THSD7B: variants seen among roughly 807,000 people sequenced by gnomAD.
The protein encoded by THSD7B is thrombospondin type-1 domain-containing protein 7B.
THSD7B carries 138 observed loss-of-function variants against 213.6 expected under a neutral mutation model. That is an observed-to-expected ratio of 0.65 (90% CI 0.56 to 0.74). The LOEUF is 0.74. Among genes scored for constraint, THSD7B ranks in the 30% least tolerant of loss-of-function variants. THSD7B has a pLI of 0.00. For synonymous variants in THSD7B, 742 were observed against 687.0 expected (o/e 1.08, Z -1.25); for missense variants, 1,931 against 1,991.5 (o/e 0.97, Z 0.58).
rs1438989973 is a variant in THSD7B, at chr2:137,231,030, C to T, written c.1724-14C>T. ...TGCATTAATCACCAACTGTCTTGATCTTGTTGATTGTAGGAGAAGATGTAT... is the reference window on the plus strand; with the variant it reads ...TGCATTAATCACCAACTGTCTTGATTTTGTTGATTGTAGGAGAAGATGTAT... On this transcript the variant is annotated splice_polypyrimidine_tract_variant and intron_variant, in intron 7 of 27. Coordinates refer to ENST00000409968, the MANE Select transcript of THSD7B (RefSeq NM_001316349.2). 6.2e-7 allele frequency: 1 copy of T among 1,610,934 alleles called. No homozygotes were observed. Among genetic ancestry groups the T allele is most frequent in the Non-Finnish European group, 8.5e-7 (1 of 1,178,520 alleles).
intron 3 of THSD7B, among the ~76,000 whole-genome samples, chr2:137,059,800 A>G (rs1377610596): frequency 1.3e-5 from 2 of 152,158 alleles, no homozygotes; most frequent in African/African-American, 2.4e-5. Flanking sequence ...GTTGCTATCA[A>G]GTTTTGGCAA....
chr2:136,816,112 TGA>T (rs1336879499), intron 1 of THSD7B, among the ~76,000 whole-genome samples: 1 of 152,202 alleles, frequency 6.6e-6, no homozygotes. Context: ...CTCAAACTCC[TGA>T]GCTCAGACAA....
At chr2:136,853,558 G>T (rs957345939) in intron 1 of THSD7B, among the ~76,000 whole-genome samples, 2 of 152,102 alleles carry the variant, frequency 1.3e-5, no homozygotes. Flanking sequence ...TGATAACCTG[G>T]TCAAGATGGT....
chr2:136,880,550 A>C (rs1243200277), intron 1 of THSD7B, among the ~76,000 whole-genome samples: 2 of 152,180 alleles, frequency 1.3e-5, no homozygotes, highest in Non-Finnish European at 2.9e-5. Flanking sequence ...TCTATTCTAA[A>C]GTAAAGCATG....
chr2:136,782,982 A>G (rs148561818), intron 1 of THSD7B, among the ~76,000 whole-genome samples: 192 of 152,364 alleles, frequency 1.3e-3, no homozygotes, highest in African/African-American at 3.7e-3. Flanking sequence ...TCCCTAATAT[A>G]TGAATTTCAC....
At chr2:137,143,007 T>TA (rs1174922252) in intron 5 of THSD7B, among the ~76,000 whole-genome samples, 2 of 152,054 alleles carry the variant, frequency 1.3e-5, no homozygotes, top group Non-Finnish European at 2.9e-5. Flanking sequence ...TTTGGGAAGA[T>TA]AAAAAGTCTA....
In THSD7B at chr2:137,252,034, G is replaced by A. The variant is rs186428017; in HGVS notation, c.2266+9462G>A. Among the ~76,000 whole-genome samples the A allele has an allele frequency of 3.0e-3, 456 of 152,136 alleles. 4 individuals are homozygous for A. The highest frequency in any genetic ancestry group is 0.01 in the African/African-American group (428 of 41,512). ...CTGTAATACCAGCCCTTGGGAGGCC[G>A]AGGTGGGTGGATCATGAGGTCAGGA... On this transcript the variant is annotated intron_variant, in intron 10 of 27. Coordinates refer to ENST00000409968, the MANE Select transcript of THSD7B (RefSeq NM_001316349.2).
chr2:137,453,556 C>G (rs1687699281), intron 15 of THSD7B, among the ~76,000 whole-genome samples: 1 of 151,968 alleles, frequency 6.6e-6, no homozygotes, highest in African/African-American at 2.4e-5. Context: ...GTCTCAATCT[C>G]CTGACCTCGT....
chr2:137,515,206 G>A (rs2105158255), intron 15 of THSD7B, among the ~76,000 whole-genome samples: 1 of 152,292 alleles, frequency 6.6e-6, no homozygotes, highest in Non-Finnish European at 1.5e-5. Context: ...TGAAGCTGGA[G>A]ACTCTGAGTT....
intron 3 of THSD7B, among the ~76,000 whole-genome samples, chr2:137,087,559 G>T (rs569955253): frequency 6.6e-6 from 1 of 152,202 alleles, no homozygotes; most frequent in Non-Finnish European, 1.5e-5. Flanking sequence ...TACAATAGCT[G>T]CAAAAACAAA....
intron 10 of THSD7B, among the ~76,000 whole-genome samples, chr2:137,254,454 C>T (rs921012714): frequency 6.6e-6 from 1 of 152,102 alleles, no homozygotes; most frequent in Admixed American, 6.5e-5. Context: ...GCTGAATGAC[C>T]ACAATGCTTT....
intron 14 of THSD7B, among the ~76,000 whole-genome samples, chr2:137,446,348 G>A (rs879581154): frequency 4.6e-5 from 7 of 152,030 alleles, no homozygotes; most frequent in African/African-American, 1.2e-4. Context: ...ACATACATCC[G>A]TTATGCTAAC....
chr2:137,107,052 A>C (rs976062318), intron 4 of THSD7B, among the ~76,000 whole-genome samples: 3 of 152,190 alleles, frequency 2.0e-5, no homozygotes, highest in Non-Finnish European at 4.4e-5. Flanking sequence ...TATATACCCT[A>C]AGGATTATAA....
intron 17 of THSD7B, among the ~76,000 whole-genome samples, chr2:137,612,369 A>G (rs186762973): frequency 9.9e-5 from 15 of 152,216 alleles, no homozygotes; most frequent in South Asian, 2.1e-4. Flanking sequence ...TTGACTTCCA[A>G]TGTAATTCTG....
chr2:137,216,920 A>G (rs1259284052), intron 7 of THSD7B, among the ~76,000 whole-genome samples: 1 of 152,172 alleles, frequency 6.6e-6, no homozygotes, highest in African/African-American at 2.4e-5. Flanking sequence ...TTGTTCCTGT[A>G]TCTTCTAAGA....
At chr2:136,953,320 G>C (rs1685071583) in intron 2 of THSD7B, among the ~76,000 whole-genome samples, 1 of 152,134 alleles carries the variant, frequency 6.6e-6, no homozygotes. Flanking sequence ...CAAAGACACT[G>C]CTGCTTAATC....
intron 12 of THSD7B, among the ~76,000 whole-genome samples, chr2:137,309,250 A>C (rs1309678373): frequency 6.6e-6 from 1 of 151,882 alleles, no homozygotes; most frequent in East Asian, 1.9e-4. Context: ...AATATTACTT[A>C]GTCATTTATA....
intron 1 of THSD7B, among the ~76,000 whole-genome samples, chr2:136,786,804 G>A (rs924346338): frequency 4.6e-5 from 7 of 152,056 alleles, no homozygotes; most frequent in Admixed American, 3.3e-4. Flanking sequence ...TTACATAAAT[G>A]TCGATGATTT....
Position 137,655,797 on chromosome 2 carries a change from C to T in THSD7B, c.4105+137C>T. 6.8e-6 allele frequency: 8 copies of T among 1,170,446 alleles called. 1 individual carries two copies. The South Asian group carries it at 1.2e-4, about 18-fold the overall frequency. 72.5% of individuals were successfully genotyped at this position (1,170,446 alleles called of 1,614,324 possible). On this transcript the variant is annotated intron_variant, in intron 22 of 27. Coordinates refer to ENST00000409968, the MANE Select transcript of THSD7B (RefSeq NM_001316349.2). ...TTAATTCATTTTTAATTGTGGTTAT[C>T]ACTTTGGTATATACCTACGGCTTTG...
Sources: allele counts gnomAD v4.1 joint callset (sites outside exome capture counted in the v4.1 genomes callset), GRCh38; gene constraint gnomAD v4.1.1; transcripts MANE v1.5; gene names NCBI Gene and HGNC (gene_info 2026-07-23, HGNC 2026-07-21).